The following PREX1 variants were observed in gnomAD, a reference collection of about 807,000 sequenced individuals.
PREX1 encodes phosphatidylinositol 3,4,5-trisphosphate-dependent Rac exchanger 1 protein.
Under a neutral mutation model 198.3 loss-of-function variants are expected in PREX1, and 41 were observed. The observed-to-expected ratio is 0.21, with a 90% CI of 0.16 to 0.27. The LOEUF (loss-of-function observed/expected upper bound fraction) is 0.27. PREX1 is among the 10% of genes least tolerant of loss of function. PREX1 has a pLI of 1.00. For synonymous variants in PREX1, 843 were observed against 887.2 expected (o/e 0.95, Z 0.89); for missense variants, 1,620 against 2,200.7 (o/e 0.74, Z 5.28).
chr20:48,746,704 C>T lies in PREX1; in HGVS notation c.291+1105G>A, dbSNP rs56163652. On this transcript the variant is annotated intron_variant, in intron 2 of 39. Transcript: ENST00000371941. ...TGGTGCATTCGTACGTAGACACGCA[C>T]TGCATTCAGCACTAAGGTTTGCACC... Among the ~76,000 whole-genome samples the T allele has an allele frequency of 8.6e-3, 1,304 of 152,078 alleles. 16 individuals carry two copies. The highest frequency in any genetic ancestry group is 0.03 in the African/African-American group (1,249 of 41,440).
intron 18 of PREX1, among the ~76,000 whole-genome samples, chr20:48,656,145 C>A (rs1434404692): frequency 6.6e-6 from 1 of 152,142 alleles, no homozygotes; most frequent in African/African-American, 2.4e-5. Context: ...TTAAAACTTT[C>A]CACCCCTCCT....
At chr20:48,626,193 G>A (rs2089270777) in intron 39 of PREX1, among the ~76,000 whole-genome samples, 1 of 152,226 alleles carries the variant, frequency 6.6e-6, no homozygotes, top group African/African-American at 2.4e-5. Context: ...AGCCATGTGG[G>A]GGTGGGGTGC....
rs564861673 is a variant in PREX1 at position 48,625,740 on chromosome 20, A to C, written c.*145T>G. The C allele has an allele frequency of 9.9e-7, 1 of 1,005,774 alleles. No homozygotes were observed. Among genetic ancestry groups the C allele is most frequent in the South Asian group, 1.8e-5 (1 of 55,472 alleles). 62.3% of individuals were successfully genotyped at this position (1,005,774 alleles called of 1,614,324 possible). On this transcript the variant is annotated 3_prime_UTR_variant, in exon 40 of 40. Transcript: ENST00000371941. ...CGAGGGTGGCCAGGCTTGTCCCGGA[A>C]GGAGGCAGGGAGGACGCTGGGCAGG... is the stretch of plus-strand genomic sequence containing the variant.
chr20:48,694,139 T>A (rs2089833709), intron 7 of PREX1, among the ~76,000 whole-genome samples: 1 of 151,934 alleles, frequency 6.6e-6, no homozygotes, highest in Non-Finnish European at 1.5e-5. Context: ...CTCGAACTCC[T>A]GACCTCAAGT....
At chr20:48,820,145 AAAG>A (rs1428923860) in intron 1 of PREX1, among the ~76,000 whole-genome samples, 3 of 152,232 alleles carry the variant, frequency 2.0e-5, no homozygotes, top group Admixed American at 6.5e-5. Context: ...CCACAAGACA[AAAG>A]AAGAGCAGAC....
At chr20:48,654,463 C>T (rs549777890) in intron 19 of PREX1, among the ~76,000 whole-genome samples, 5 of 152,192 alleles carry the variant, frequency 3.3e-5, no homozygotes, top group African/African-American at 7.2e-5. Flanking sequence ...CACTGCAGCA[C>T]GTTTAGCAGG....
chr20:48,845,239 T>C, the PREX1 span, among the ~76,000 whole-genome samples: 1 of 152,178 alleles, frequency 6.6e-6, no homozygotes, highest in Non-Finnish European at 1.5e-5. Context: ...AGGGAGATAT[T>C]AAACAATTAA....
intron 22 of PREX1, 79 bp from the exon 23 acceptor site, chr20:48,651,134 T>C: frequency 6.6e-7 from 1 of 1,523,622 alleles, no homozygotes; most frequent in East Asian, 2.3e-5. Flanking sequence ...GTGACTCCTG[T>C]ACTACTCGTA....
intron 17 of PREX1, among the ~76,000 whole-genome samples, chr20:48,657,595 A>G: frequency 6.6e-6 from 1 of 152,212 alleles, no homozygotes; most frequent in Admixed American, 6.5e-5. Flanking sequence ...AGGTCAACCT[A>G]GCCGCTCCGG....
chr20:48,657,056 C>T lies in PREX1; in HGVS notation c.2107G>A (p.Ala703Thr). Reference protein sequence around the residue: ...CSRRPLRLLVATKAKEIIKIP... With the variant: ...CSRRPLRLLVTTKAKEIIKIP... Reference sequence around the variant, plus strand: ...GACACTCACTCTTTGGCCTTCGTGGCCACCAGGAGGCGCAGAGGGCGGCGG... The same window carrying T: ...GACACTCACTCTTTGGCCTTCGTGGTCACCAGGAGGCGCAGAGGGCGGCGG... Residue 703 changes from alanine to threonine, a missense_variant, in exon 18 of 40, where the codon GCC (alanine) becomes ACC (threonine). This residue lies in a region of PREX1 where 514 missense variants were observed against 611.6 expected (regional missense o/e 0.84). Coordinates refer to ENST00000371941, the MANE Select transcript of PREX1 (RefSeq NM_020820.4). 6.3e-7 allele frequency: 1 copy of T among 1,598,226 alleles called. No homozygotes were observed.
At chr20:48,798,344 T>C (rs1215797638) in intron 1 of PREX1, among the ~76,000 whole-genome samples, 2 of 152,186 alleles carry the variant, frequency 1.3e-5, no homozygotes, top group African/African-American at 4.8e-5. Context: ...CTAACCAATC[T>C]TGCTGCTCCT....
chr20:48,715,309 T>C (rs1319819745), intron 5 of PREX1, among the ~76,000 whole-genome samples: 1 of 152,216 alleles, frequency 6.6e-6, no homozygotes, highest in African/African-American at 2.4e-5. Context: ...AATCCATTCT[T>C]ACACCACTTG....
chr20:48,825,023 A>G (rs922644501), intron 1 of PREX1, among the ~76,000 whole-genome samples: 2 of 152,204 alleles, frequency 1.3e-5, no homozygotes, highest in African/African-American at 4.8e-5. Flanking sequence ...GCAAATATAA[A>G]GGCTGAGAAG....
In PREX1 at chr20:48,625,686, A is replaced by G. The variant is rs946367642; in HGVS notation, c.*199T>C. The stretch of plus-strand genomic sequence containing the variant: ...AGGCGTGTGAAGAATGGGCCGGCCC[A>G]GGGCCAATCAGCCAGCTCGTCATCA... On this transcript the variant is annotated 3_prime_UTR_variant, in exon 40 of 40. Coordinates refer to ENST00000371941, the MANE Select transcript of PREX1 (RefSeq NM_020820.4). 4 of 635,306 alleles carry G rather than the reference A, an allele frequency of 6.3e-6. No homozygotes were observed. The highest frequency in any genetic ancestry group is 1.0e-5 in the Non-Finnish European group (4 of 385,600). The allele number at this position is 635,306 out of a possible 1,614,324, so 39.4% of individuals were successfully genotyped here. A position where few individuals can be genotyped will look rare whatever the true frequency, so the allele number is the denominator to read the frequency against.
chr20:48,816,508 C>T (rs981585078), intron 1 of PREX1, among the ~76,000 whole-genome samples: 4 of 152,148 alleles, frequency 2.6e-5, no homozygotes, highest in Non-Finnish European at 4.4e-5. Flanking sequence ...TTAAAAGACG[C>T]CTGCGGGGGA....
At chr20:48,637,627 C>T in intron 31 of PREX1, 84 bp downstream of exon 31, 1 of 1,362,208 alleles carries the variant, frequency 7.3e-7, no homozygotes, top group Non-Finnish European at 9.9e-7. Context: ...CTCCCCCCGT[C>T]CAGGCCCCGA....
At chr20:48,651,151 C>A (rs1025955550) in intron 22 of PREX1, 96 bp from the exon 23 acceptor site, 69 of 1,452,374 alleles carry the variant, frequency 4.8e-5, no homozygotes, top group Admixed American at 6.3e-5. Flanking sequence ...CGTAATACCC[C>A]CCGGGAAGTC....
In PREX1 at chr20:48,651,169, T is replaced by A. The variant is rs2089493419; in HGVS notation, c.2656-114A>T. ...AATACCCCCCGGGAAGTCAGGTGTG[T>A]TGCTGGCCCATATTGCACGGGAGTA... On this transcript the variant is annotated intron_variant, in intron 22 of 39. Transcript: ENST00000371941. The A allele has an allele frequency of 8.0e-6, 11 of 1,378,384 alleles. No individual in the cohort carries two copies. The Admixed American group carries it at 8.8e-5, about 11-fold the overall frequency. The allele number at this position is 1,378,384 out of a possible 1,614,324, so 85.4% of individuals were successfully genotyped here.
chr20:48,634,861 C>T (rs2089350129), intron 32 of PREX1, 86 bp from the exon 33 acceptor site: 2 of 1,178,392 alleles, frequency 1.7e-6, no homozygotes, highest in East Asian at 2.5e-5. Context: ...CAACTCTAGT[C>T]GGCACTCCAC....
Sources: allele counts gnomAD v4.1 joint callset (sites outside exome capture counted in the v4.1 genomes callset), GRCh38; gene constraint gnomAD v4.1.1; regional missense constraint gnomAD v4.1.1; transcripts MANE v1.5; gene names NCBI Gene and HGNC (gene_info 2026-07-23, HGNC 2026-07-21).